The following MPPE1 variants were observed in gnomAD, a reference collection of about 807,000 sequenced individuals.
MPPE1 encodes metallophosphoesterase 1, also known as metallo phosphoesterase.
Under a neutral mutation model 43.8 loss-of-function variants are expected in MPPE1, and 28 were observed. The observed-to-expected ratio is 0.64, with a 90% CI of 0.47 to 0.88. MPPE1 has a LOEUF of 0.88. MPPE1 is among the 40% of genes least tolerant of loss of function. The pLI, the probability that MPPE1 is intolerant of heterozygous loss-of-function variation, is 0.00. For synonymous variants in MPPE1, 159 were observed against 188.5 expected (o/e 0.84, Z 1.28); for missense variants, 428 against 492.2 (o/e 0.87, Z 1.23).
At chr18:11,897,841 T>C (rs999387755) in intron 2 of MPPE1, among the ~76,000 whole-genome samples, 1 of 152,206 alleles carries the variant, frequency 6.6e-6, no homozygotes, top group African/African-American at 2.4e-5. Flanking sequence ...TAAGTGAATA[T>C]TCATGGACAA....
intron 4 of MPPE1, chr18:11,891,042 A>G (rs960425822): frequency 2.3e-4 from 15 of 64,042 alleles, no homozygotes; most frequent in Non-Finnish European, 3.7e-4. Context: ...TAGGGTAGGG[A>G]AAAAAAACAA....
At chr18:11,885,977 G>T in intron 9 of MPPE1, 161 bp from the exon 10 acceptor site, 1 of 683,480 alleles carries the variant, frequency 1.5e-6, no homozygotes, top group South Asian at 4.4e-5. Flanking sequence ...AAAATCCTTT[G>T]GTTTATTTAC....
chr18:11,886,497 A>C lies in MPPE1; in HGVS notation c.867+2T>G. On this transcript the variant is annotated splice_donor_variant, in intron 9 of 10. Transcript: ENST00000588072. LOFTEE classifies it high-confidence loss of function. This position sits in a 1 kb window ranked among gnomAD's most constrained non-coding sequence, Gnocchi z 4.1. The stretch of plus-strand genomic sequence containing the variant: ...AATTAGCATCACGACACCCTGGCAA[A>C]CCTTTTGTGATGCCTCCCGTGAAAG... 1.2e-6 allele frequency: 2 copies of C among 1,614,128 alleles called. No homozygotes were observed. The highest frequency in any genetic ancestry group is 1.7e-6 in the Non-Finnish European group (2 of 1,180,030).
chr18:11,885,641 G>C, intron 10 of MPPE1, 35 bp downstream of exon 10: 4 of 1,594,056 alleles, frequency 2.5e-6, no homozygotes, highest in Non-Finnish European at 3.4e-6. Context: ...AAATACTTAT[G>C]AAAGCTTTCA....
intron 1 of MPPE1, among the ~76,000 whole-genome samples, chr18:11,906,748 G>A (rs1319632490): frequency 2.6e-5 from 4 of 151,910 alleles, no homozygotes; most frequent in East Asian, 3.9e-4. Context: ...CAGCTACTCG[G>A]GAGGCTGAGG....
Position 11,884,578 on chromosome 18 carries a change from C to G in MPPE1, c.1058G>C (p.Arg353Pro), listed in dbSNP as rs749515863. ...GTAGATGATCAAAACCACATCCTCACGTGGGAGGTAGCACTTGGAGAGGGT... is the reference window on the plus strand; with the variant it reads ...GTAGATGATCAAAACCACATCCTCAGGTGGGAGGTAGCACTTGGAGAGGGT... ...DYTLSKCYLP[R>P]EDVVLIIYCG... The change falls in exon 11 of 11, where the codon CGT becomes CCT. Residue 353 changes from arginine to proline, a missense_variant. Transcript: ENST00000588072. 32 of 1,613,972 alleles carry G rather than the reference C, an allele frequency of 2.0e-5. No individual in the cohort carries two copies. Among genetic ancestry groups the G allele is most frequent in the Admixed American group, 6.7e-5 (4 of 60,016 alleles).
Position 11,900,810 on chromosome 18 carries a change from G to A in MPPE1, c.-92-3454C>T, listed in dbSNP as rs538373242. Among the ~76,000 whole-genome samples the A allele has an allele frequency of 4.6e-5, 7 of 151,882 alleles. No individual in the cohort carries two copies. In the East Asian group the frequency reaches 7.8e-4, roughly 17 times the overall value. On this transcript the variant is annotated intron_variant, in intron 2 of 10. Coordinates refer to ENST00000588072, the MANE Select transcript of MPPE1 (RefSeq NM_023075.6). Reference sequence around the variant, plus strand: ...TAGTCCCAGCTACTCGGGAGGATGAGGCAGGAGAATGGCGTGAACCCAGGA... The same window carrying A: ...TAGTCCCAGCTACTCGGGAGGATGAAGCAGGAGAATGGCGTGAACCCAGGA...
rs999763859 is a variant in MPPE1 at position 11,882,919 on chromosome 18, C to T, written c.*1526G>A. 2 of 152,150 alleles carry T rather than the reference C, an allele frequency of 1.3e-5. No individual in the cohort carries two copies. Among genetic ancestry groups the T allele is most frequent in the Admixed American group, 1.3e-4 (2 of 15,268 alleles). 9.4% of individuals were successfully genotyped at this position (152,150 alleles called of 1,614,324 possible). A position where few individuals can be genotyped will look rare whatever the true frequency, so the allele number is the denominator to read the frequency against. ...AAGAACTGGTGTAGCAATGATGCTT[C>T]ATATTCTAGCTGTAGCCACAGAGTT... On this transcript the variant is annotated 3_prime_UTR_variant, in exon 11 of 11. Transcript: ENST00000588072.
chr18:11,890,972 G>A (rs190109673), intron 4 of MPPE1, among the ~76,000 whole-genome samples: 1 of 152,084 alleles, frequency 6.6e-6, no homozygotes, highest in Admixed American at 6.5e-5. Context: ...TAAAACTTCA[G>A]AGTTATGTTA....
Position 11,886,310 on chromosome 18 carries a change from A to G in MPPE1, c.867+189T>C. 2 of 754,456 alleles carry G rather than the reference A, an allele frequency of 2.7e-6. No homozygotes were observed. The highest frequency in any genetic ancestry group is 4.3e-6 in the Non-Finnish European group (2 of 462,446). 46.7% of individuals were successfully genotyped at this position (754,456 alleles called of 1,614,324 possible). A position where few individuals can be genotyped will look rare whatever the true frequency, so the allele number is the denominator to read the frequency against. On this transcript the variant is annotated intron_variant, in intron 9 of 10. Coordinates refer to ENST00000588072, the MANE Select transcript of MPPE1 (RefSeq NM_023075.6). This position sits in a 1 kb window ranked among gnomAD's most constrained non-coding sequence, Gnocchi z 4.1. ...AACAGAAGTAGGTTTACTGGAAAAA[A>G]AAAAAGCGATTAAATGAAAATCTGA... is the stretch of plus-strand genomic sequence containing the variant.
In MPPE1 at chr18:11,885,597, G is replaced by A. The variant is rs534956023; in HGVS notation, c.1008+79C>T. The stretch of plus-strand genomic sequence containing the variant: ...TGGCTTTTGTAAATTTTGACCGATT[G>A]CAGCAATTAAATAGTTGATTACTGT... On this transcript the variant is annotated intron_variant, in intron 10 of 10. Coordinates refer to ENST00000588072, the MANE Select transcript of MPPE1 (RefSeq NM_023075.6). The A allele has an allele frequency of 5.3e-6, 8 of 1,504,944 alleles. No individual in the cohort carries two copies. The East Asian group carries it at 1.9e-4, about 35-fold the overall frequency. The allele number at this position is 1,504,944 out of a possible 1,614,324, so 93.2% of individuals were successfully genotyped here. A position where few individuals can be genotyped will look rare whatever the true frequency, so the allele number is the denominator to read the frequency against.
At chr18:11,897,898 C>T (rs896912980) in intron 2 of MPPE1, among the ~76,000 whole-genome samples, 27 of 152,164 alleles carry the variant, frequency 1.8e-4, no homozygotes, top group African/African-American at 6.5e-4. Context: ...GACCCAGAGG[C>T]CAGGATCTGA....
rs1413282287 is a variant in MPPE1 at position 11,883,854 on chromosome 18, C to CTAA, written c.*588_*590dup. On this transcript the variant is annotated 3_prime_UTR_variant, in exon 11 of 11. Coordinates refer to ENST00000588072, the MANE Select transcript of MPPE1 (RefSeq NM_023075.6). ...TATAGGCACTTGCTACCATGCTTGG[C>CTAA]TAATTTTTGTATTTCTAGCGGAGAC... 1 of 152,228 alleles carries CTAA rather than the reference C, an allele frequency of 6.6e-6. No homozygotes were observed. Among genetic ancestry groups the CTAA allele is most frequent in the African/African-American group, 2.4e-5 (1 of 41,426 alleles). The allele number at this position is 152,228 out of a possible 1,614,324, so 9.4% of individuals were successfully genotyped here.
chr18:11,903,866 T>C (rs189714937), intron 2 of MPPE1, among the ~76,000 whole-genome samples: 26 of 152,332 alleles, frequency 1.7e-4, no homozygotes, highest in African/African-American at 5.3e-4. Context: ...CACATTGCCC[T>C]CTTGGGTCTC....
At chr18:11,895,578 G>A (rs549871214) in intron 3 of MPPE1, among the ~76,000 whole-genome samples, 4 of 149,908 alleles carry the variant, frequency 2.7e-5, no homozygotes, top group Non-Finnish European at 3.0e-5. Flanking sequence ...TTGCTCTGTC[G>A]CCCAGGCTGG....
rs1195356601 is a variant in MPPE1 at position 11,907,624 on chromosome 18, A to G, written c.-200+577T>C. 2.7e-5 allele frequency among the ~76,000 whole-genome samples: 4 copies of G among 145,798 alleles called. No homozygotes were observed. The East Asian group carries it at 8.0e-4, about 29-fold the overall frequency. The stretch of plus-strand genomic sequence containing the variant: ...TTTCCCCCACAACTTCTCGAGTAGC[A>G]GGGACTTCAGGTGCGTGCCACTACA... On this transcript the variant is annotated intron_variant, in intron 1 of 10. Transcript: ENST00000588072.
chr18:11,904,090 A>C (rs1163018227), intron 2 of MPPE1, among the ~76,000 whole-genome samples: 1 of 152,170 alleles, frequency 6.6e-6, no homozygotes, highest in East Asian at 1.9e-4. Context: ...TTTTCCAAAA[A>C]TGAATTTAAA....
At chr18:11,904,341 G>T (rs1159948481) in intron 2 of MPPE1, among the ~76,000 whole-genome samples, 4 of 150,440 alleles carry the variant, frequency 2.7e-5, no homozygotes, top group Non-Finnish European at 4.4e-5. Flanking sequence ...TTGAGACAAG[G>T]TCTCGCCCTG....
intron 3 of MPPE1, among the ~76,000 whole-genome samples, chr18:11,894,301 G>A (rs780917337): frequency 1.3e-5 from 2 of 151,966 alleles, no homozygotes; most frequent in African/African-American, 4.8e-5. Flanking sequence ...GGTGGCATGC[G>A]CCTGTGGTAC....
Sources: gnomAD v4.1 joint callset for allele counts (sites outside exome capture counted in the v4.1 genomes callset) on GRCh38, gnomAD v4.1.1 for gene constraint, Gnocchi (gnomAD v3.1) non-coding constraint, MANE v1.5 for transcripts, NCBI Gene and HGNC (gene_info 2026-07-23, HGNC 2026-07-21) for gene names.